SLC2A13: variants seen among roughly 807,000 people sequenced by gnomAD.
SLC2A13 encodes proton myo-inositol cotransporter.
Under a neutral mutation model 64.4 loss-of-function variants are expected in SLC2A13, and 32 were observed. The observed-to-expected ratio is 0.50, with a 90% CI of 0.37 to 0.67. The LOEUF (loss-of-function observed/expected upper bound fraction) is 0.67. Among genes scored for constraint, SLC2A13 ranks in the 30% least tolerant of loss-of-function variants. The pLI, the probability that SLC2A13 is intolerant of heterozygous loss-of-function variation, is 0.00. For synonymous variants in SLC2A13, 338 were observed against 327.1 expected (o/e 1.03, Z -0.36); for missense variants, 743 against 829.2 (o/e 0.90, Z 1.28).
intron 3 of SLC2A13, among the ~76,000 whole-genome samples, chr12:39,962,925 A>T (rs567002330): frequency 2.0e-5 from 3 of 152,282 alleles, no homozygotes; most frequent in African/African-American, 7.2e-5. Context: ...CATTAATTCA[A>T]CTACTGATGC....
At chr12:39,972,718 A>C (rs193000550) in intron 3 of SLC2A13, among the ~76,000 whole-genome samples, 393 of 152,248 alleles carry the variant, frequency 2.6e-3, no homozygotes, top group Non-Finnish European at 4.4e-3. Context: ...AACCCATATC[A>C]TTCTCCAGTT....
chr12:39,794,507 A>G (rs1412049825), intron 7 of SLC2A13, among the ~76,000 whole-genome samples: 4 of 152,224 alleles, frequency 2.6e-5, no homozygotes, highest in African/African-American at 7.2e-5. Flanking sequence ...TACTCTTGTA[A>G]CAAGTAGCCA....
intron 7 of SLC2A13, among the ~76,000 whole-genome samples, chr12:39,809,587 T>C (rs1942082115): frequency 6.6e-6 from 1 of 152,202 alleles, no homozygotes; most frequent in African/African-American, 2.4e-5. Context: ...ACATGTGCCC[T>C]GTTGGTGTGC....
chr12:39,937,731 T>A lies in SLC2A13; in HGVS notation c.1034+13526A>T, dbSNP rs114465914. 3.7e-3 allele frequency among the ~76,000 whole-genome samples: 563 copies of A among 152,296 alleles called. 9 individuals carry two copies. The highest frequency in any genetic ancestry group is 0.013 in the African/African-American group (553 of 41,568). Reference sequence around the variant, plus strand: ...AAATTCACATCTGATTCAGGAAGCATGACAAAAGGATTTGACAATCTTTTG... The same window carrying A: ...AAATTCACATCTGATTCAGGAAGCAAGACAAAAGGATTTGACAATCTTTTG... On this transcript the variant is annotated intron_variant, in intron 4 of 9. Transcript: ENST00000280871.
Position 39,759,247 on chromosome 12 carries a change from C to G in SLC2A13, c.*779G>C, listed in dbSNP as rs1461934109. On this transcript the variant is annotated 3_prime_UTR_variant, in exon 10 of 10. Transcript: ENST00000280871. Reference sequence around the variant, plus strand: ...TAACCAATTTGGAACCCATAAAAACCTTTAATCTGTTACTTTCTGAACATA... The same window carrying G: ...TAACCAATTTGGAACCCATAAAAACGTTTAATCTGTTACTTTCTGAACATA... 2 of 152,232 alleles carry G rather than the reference C, an allele frequency of 1.3e-5. No homozygotes were observed. The highest frequency in any genetic ancestry group is 1.3e-4 in the Admixed American group (2 of 15,200). 9.4% of individuals were successfully genotyped at this position (152,232 alleles called of 1,614,324 possible). A position where few individuals can be genotyped will look rare whatever the true frequency, so the allele number is the denominator to read the frequency against.
At chr12:40,098,784 G>A (rs181637086) in intron 1 of SLC2A13, among the ~76,000 whole-genome samples, 3 of 152,340 alleles carry the variant, frequency 2.0e-5, no homozygotes, top group South Asian at 4.1e-4. Flanking sequence ...AAGACTATGT[G>A]AATTAGCCAT....
At chr12:39,801,657 C>T (rs572505476) in intron 7 of SLC2A13, among the ~76,000 whole-genome samples, 1 of 152,294 alleles carries the variant, frequency 6.6e-6, no homozygotes, top group South Asian at 2.1e-4. Flanking sequence ...ACTTATTTTT[C>T]TTTTCCTAGC....
intron 4 of SLC2A13, among the ~76,000 whole-genome samples, chr12:39,940,646 AT>A (rs113767773): frequency 3.3e-5 from 5 of 151,264 alleles, no homozygotes; most frequent in East Asian, 1.9e-4. Context: ...GATGGCTGTG[AT>A]TTTTTTTTAG....
intron 3 of SLC2A13, among the ~76,000 whole-genome samples, chr12:40,027,366 T>C (rs1283087614): frequency 6.6e-6 from 1 of 152,190 alleles, no homozygotes; most frequent in Non-Finnish European, 1.5e-5. Flanking sequence ...GTTGAGGCTT[T>C]GATCTCAGCA....
chr12:40,094,960 G>T (rs1239686014), intron 1 of SLC2A13, among the ~76,000 whole-genome samples: 1 of 152,198 alleles, frequency 6.6e-6, no homozygotes, highest in East Asian at 1.9e-4. Flanking sequence ...AGGAACAGCT[G>T]AGGAAACCCA....
In SLC2A13 at chr12:40,037,864, T is replaced by A. The variant is rs572636344; in HGVS notation, c.717-9355A>T. ...TTTTTCCTTCATTATCCTCATAATG[T>A]CCATAGAATGACATGCCCTCTTTTA... On this transcript the variant is annotated intron_variant, in intron 2 of 9. Transcript: ENST00000280871. Among the ~76,000 whole-genome samples the A allele has an allele frequency of 1.4e-4, 22 of 152,278 alleles. No homozygotes were observed. In the East Asian group the frequency reaches 3.5e-3, roughly 24 times the overall value.
intron 4 of SLC2A13, among the ~76,000 whole-genome samples, chr12:39,934,174 T>C (rs1945879885): frequency 6.6e-6 from 1 of 152,196 alleles, no homozygotes; most frequent in Non-Finnish European, 1.5e-5. Flanking sequence ...AAGAATTCTT[T>C]TAATGTGAAA....
intron 4 of SLC2A13, among the ~76,000 whole-genome samples, chr12:39,913,675 G>T (rs1228112806): frequency 6.6e-6 from 1 of 151,860 alleles, no homozygotes; most frequent in Non-Finnish European, 1.5e-5. Flanking sequence ...TTGTTCATAA[G>T]AATAATATAT....
intron 5 of SLC2A13, among the ~76,000 whole-genome samples, chr12:39,865,982 T>C (rs571715521): frequency 1.3e-5 from 2 of 152,344 alleles, no homozygotes; most frequent in Admixed American, 6.5e-5. Flanking sequence ...CTGAGATATG[T>C]GTTAACTTAT....
At chr12:39,992,370 A>G (rs762374490) in intron 3 of SLC2A13, among the ~76,000 whole-genome samples, 1 of 152,192 alleles carries the variant, frequency 6.6e-6, no homozygotes, top group Non-Finnish European at 1.5e-5. Flanking sequence ...TGCAAACTCA[A>G]TACTGGGCAA....
intron 1 of SLC2A13, among the ~76,000 whole-genome samples, chr12:40,061,375 CAG>C (rs756568551): frequency 6.6e-5 from 10 of 151,864 alleles, no homozygotes; most frequent in Non-Finnish European, 1.2e-4. Flanking sequence ...AAAAAACAAA[CAG>C]AGAAAAGTCT....
chr12:39,765,392 C>T (rs762937162), intron 7 of SLC2A13, among the ~76,000 whole-genome samples: 5 of 152,086 alleles, frequency 3.3e-5, no homozygotes, highest in Non-Finnish European at 5.9e-5. Context: ...CTACCAGTCA[C>T]TCCCTGATGA....
At chr12:39,886,323 T>C (rs1944466066) in intron 4 of SLC2A13, among the ~76,000 whole-genome samples, 1 of 152,154 alleles carries the variant, frequency 6.6e-6, no homozygotes, top group African/African-American at 2.4e-5. Flanking sequence ...GAGAGGCCTA[T>C]AATTACACTT....
chr12:39,938,604 G>A (rs2136082298), intron 4 of SLC2A13, among the ~76,000 whole-genome samples: 1 of 150,708 alleles, frequency 6.6e-6, no homozygotes, highest in South Asian at 2.1e-4. Context: ...TAATATTCAA[G>A]AAAATATATT....
Sources: allele counts gnomAD v4.1 joint callset (sites outside exome capture counted in the v4.1 genomes callset), GRCh38; gene constraint gnomAD v4.1.1; transcripts MANE v1.5; gene names NCBI Gene and HGNC (gene_info 2026-07-23, HGNC 2026-07-21).